The following GREB1L variants were observed in gnomAD, a reference collection of about 807,000 sequenced individuals.
GREB1L encodes GREB1-like protein.
Under a neutral mutation model 200.8 loss-of-function variants are expected in GREB1L, and 17 were observed. The ratio of observed to expected loss-of-function variants is 0.08; its 90% CI spans 0.06 to 0.13. The LOEUF (loss-of-function observed/expected upper bound fraction) is 0.13, where lower values mean the gene tolerates loss of function less well. GREB1L is among the 10% of genes least tolerant of loss of function. The pLI, the probability that GREB1L is intolerant of heterozygous loss-of-function variation, is 1.00. For synonymous variants in GREB1L, 789 were observed against 893.0 expected (o/e 0.88, Z 2.08); for missense variants, 1,657 against 2,367.7 (o/e 0.70, Z 6.23).
At chr18:21,471,445 C>T (rs1261358295) in intron 15 of GREB1L, among the ~76,000 whole-genome samples, 1 of 152,122 alleles carries the variant, frequency 6.6e-6, no homozygotes. Context: ...TACCTTGTCT[C>T]CATCATGACA....
chr18:21,508,257 G>A lies in GREB1L; in HGVS notation c.4508G>A (p.Arg1503Gln), dbSNP rs2037096348. The A allele has an allele frequency of 2.6e-6, 4 of 1,551,648 alleles. No individual in the cohort carries two copies. The highest frequency in any genetic ancestry group is 2.6e-6 in the Non-Finnish European group (3 of 1,147,008). ...SKQGKHLESM[R>Q]LPLVSDKNLN... ...CAGGGCAAGCACCTGGAGAGCATGC[G>A]GCTGCCCCTGGTTTCAGACAAGGTG... The change falls in exon 26 of 33, where the codon CGG becomes CAG. Residue 1503 changes from arginine (R) to glutamine (Q), a missense_variant. Coordinates refer to ENST00000424526, the MANE Select transcript of GREB1L (RefSeq NM_001142966.3).
chr18:21,401,010 GT>G (rs1480108363), intron 5 of GREB1L, 139 bp from the exon 6 acceptor site: 10 of 653,048 alleles, frequency 1.5e-5, no homozygotes, highest in South Asian at 8.4e-5. Flanking sequence ...CATGTACCTG[GT>G]TTTTTTCCCT....
At chr18:21,470,246 C>T (rs1347162825) in intron 15 of GREB1L, among the ~76,000 whole-genome samples, 1 of 152,076 alleles carries the variant, frequency 6.6e-6, no homozygotes, top group Non-Finnish European at 1.5e-5. Flanking sequence ...TGTGATCACA[C>T]GACTGCACTC....
intron 4 of GREB1L, among the ~76,000 whole-genome samples, chr18:21,387,158 A>C (rs2040576866): frequency 6.6e-6 from 1 of 152,156 alleles, no homozygotes; most frequent in Non-Finnish European, 1.5e-5. Flanking sequence ...CAGAGGGGTA[A>C]AGGACAACCA....
At chr18:21,264,817 T>A (rs1393830581) in intron 1 of GREB1L, among the ~76,000 whole-genome samples, 1 of 152,140 alleles carries the variant, frequency 6.6e-6, no homozygotes, top group Non-Finnish European at 1.5e-5. Context: ...TTGTTTGGCA[T>A]AGCTAATCAG....
chr18:21,435,332 T>G (rs919555541), intron 7 of GREB1L, among the ~76,000 whole-genome samples: 1 of 152,194 alleles, frequency 6.6e-6, no homozygotes, highest in Non-Finnish European at 1.5e-5. Context: ...CAAACATTTC[T>G]TGGGCACCTG....
At chr18:21,327,873 C>T (rs1294123332) in intron 1 of GREB1L, among the ~76,000 whole-genome samples, 2 of 151,854 alleles carry the variant, frequency 1.3e-5, no homozygotes, top group Admixed American at 6.6e-5. Context: ...CCACCATGCC[C>T]GGTTAATTTT....
At chr18:21,327,198 G>A (rs2039035523) in intron 1 of GREB1L, among the ~76,000 whole-genome samples, 1 of 152,154 alleles carries the variant, frequency 6.6e-6, no homozygotes, top group African/African-American at 2.4e-5. Context: ...AGTAACACAA[G>A]GTAAACAGAA....
At chr18:21,419,624 A>AT (rs1252697218) in intron 7 of GREB1L, among the ~76,000 whole-genome samples, 5 of 152,116 alleles carry the variant, frequency 3.3e-5, no homozygotes, top group Non-Finnish European at 7.4e-5. Context: ...TAATTTTTGT[A>AT]TTTTTTGTAG....
chr18:21,522,775 G>A lies in GREB1L; in HGVS notation c.5726G>A (p.Ser1909Asn), dbSNP rs2037625890. The stretch of plus-strand genomic sequence containing the variant: ...CGGGACGAGTTTCAAACTGCTAACA[G>A]CAGTGATGACAAGCCTCTCTACTTT... ...RLRDEFQTAN[S>N]SDDKPLYFLT... The change falls in exon 33 of 33, where the codon AGC (serine) becomes AAC (asparagine). Residue 1909 changes from serine to asparagine, a missense_variant. Transcript: ENST00000424526. The A allele has an allele frequency of 6.4e-7, 1 of 1,551,712 alleles. No homozygotes were observed. Among genetic ancestry groups the A allele is most frequent in the African/African-American group, 1.4e-5 (1 of 73,188 alleles).
At chr18:21,497,814 C>T (rs866541160) in intron 21 of GREB1L, among the ~76,000 whole-genome samples, 3 of 122,652 alleles carry the variant, frequency 2.4e-5, no homozygotes, top group African/African-American at 8.4e-5. Flanking sequence ...CCTCACCACC[C>T]CCCCCCCTTT....
intron 27 of GREB1L, among the ~76,000 whole-genome samples, chr18:21,509,270 G>A (rs992223283): frequency 6.6e-6 from 1 of 152,204 alleles, no homozygotes; most frequent in Admixed American, 6.5e-5. Flanking sequence ...CGCTCTTCTG[G>A]ACACTTCTTG....
chr18:21,316,380 A>C (rs1291272683), intron 1 of GREB1L, among the ~76,000 whole-genome samples: 2 of 152,176 alleles, frequency 1.3e-5, no homozygotes, highest in Non-Finnish European at 2.9e-5. Context: ...AATTATAAAA[A>C]CTCAAAGAAG....
chr18:21,498,466 G>C (rs1044938756), intron 21 of GREB1L, among the ~76,000 whole-genome samples: 3 of 152,130 alleles, frequency 2.0e-5, no homozygotes, highest in Non-Finnish European at 4.4e-5. Context: ...GATAGTAAAG[G>C]TTCACAGAAG....
intron 2 of GREB1L, among the ~76,000 whole-genome samples, chr18:21,378,177 C>A (rs769511694): frequency 6.6e-6 from 1 of 152,100 alleles, no homozygotes; most frequent in East Asian, 1.9e-4. Flanking sequence ...TTAGAGGAAA[C>A]GGAGGCTGGT....
At chr18:21,336,014 T>A (rs749559071) in intron 1 of GREB1L, among the ~76,000 whole-genome samples, 1 of 152,162 alleles carries the variant, frequency 6.6e-6, no homozygotes, top group Non-Finnish European at 1.5e-5. Flanking sequence ...CTTCATTCTT[T>A]CAGTGAGAGG....
intron 27 of GREB1L, among the ~76,000 whole-genome samples, chr18:21,512,420 T>G (rs538923252): frequency 1.2e-4 from 19 of 152,348 alleles, no homozygotes; most frequent in African/African-American, 4.6e-4. Context: ...TTCCTAAGTC[T>G]TTCTTTTTGA....
chr18:21,335,125 T>C (rs1268339801), intron 1 of GREB1L, among the ~76,000 whole-genome samples: 1 of 152,194 alleles, frequency 6.6e-6, no homozygotes, highest in Non-Finnish European at 1.5e-5. Context: ...TGATGCTCCA[T>C]TAATCTTAGT....
intron 1 of GREB1L, among the ~76,000 whole-genome samples, chr18:21,270,251 G>A (rs2144264887): frequency 6.6e-6 from 1 of 152,332 alleles, no homozygotes; most frequent in South Asian, 2.1e-4. Flanking sequence ...TTAACTCTGA[G>A]AAACAAATAG....
Sources: gnomAD v4.1 joint callset for allele counts (sites outside exome capture counted in the v4.1 genomes callset) on GRCh38, gnomAD v4.1.1 for gene constraint, MANE v1.5 for transcripts, NCBI Gene and HGNC (gene_info 2026-07-23, HGNC 2026-07-21) for gene names.